Variants in RYR2 observed in about 807,000 individuals in gnomAD.
The protein encoded by RYR2 is cardiac muscle ryanodine receptor-calcium release channel.
A neutral mutation model predicts 601.1 loss-of-function variants in RYR2; 227 were observed. The ratio of observed to expected loss-of-function variants is 0.38; its 90% confidence interval spans 0.34 to 0.42. RYR2 has a LOEUF of 0.42. Among genes scored for constraint, RYR2 ranks in the 10% least tolerant of loss-of-function variants. RYR2 has a pLI of 1.00. For synonymous variants in RYR2, 2,223 were observed against 2,175.1 expected, an observed-to-expected ratio of 1.02 and a Z score of -0.61; for missense variants, 4,646 against 6,156.5, an observed-to-expected ratio of 0.75 and a Z score of 8.21.
chr1:237,823,959 C>A (rs191782153), intron 101 of RYR2, among the ~76,000 whole-genome samples: 1 of 152,258 alleles, frequency 6.6e-6, no homozygotes, highest in East Asian at 1.9e-4. Context: ...GACACATACA[C>A]CCTCCCAAGA....
At chr1:237,085,992 C>T (rs982916055) in intron 1 of RYR2, among the ~76,000 whole-genome samples, 1 of 152,172 alleles carries the variant, frequency 6.6e-6, no homozygotes, top group African/African-American at 2.4e-5. Flanking sequence ...TGAGCTCAAG[C>T]GACCTGACTG....
intron 29 of RYR2, among the ~76,000 whole-genome samples, chr1:237,584,942 T>C (rs1314067276): frequency 6.6e-6 from 1 of 151,964 alleles, no homozygotes; most frequent in Non-Finnish European, 1.5e-5. Context: ...GGTCTCGCCA[T>C]GTTGCCCAGG....
chr1:237,692,259 T>G (rs751751576), intron 63 of RYR2, among the ~76,000 whole-genome samples: 3 of 152,226 alleles, frequency 2.0e-5, no homozygotes, highest in Non-Finnish European at 4.4e-5. Flanking sequence ...GATGTGAGGA[T>G]AGGAAAATGA....
chr1:237,634,459 G>T (rs543841530), intron 43 of RYR2, among the ~76,000 whole-genome samples: 4 of 152,094 alleles, frequency 2.6e-5, no homozygotes, highest in Admixed American at 1.3e-4. Context: ...CCAGGTGTAG[G>T]GGGGAGTGGT....
chr1:237,345,467 TAAAA>T (rs1332928390), intron 3 of RYR2, among the ~76,000 whole-genome samples: 1 of 143,960 alleles, frequency 6.9e-6, no homozygotes, highest in African/African-American at 2.5e-5. Flanking sequence ...AAATAAAAAA[TAAAA>T]AATAAAAAAT....
chr1:237,074,390 C>T (rs1664750948), intron 1 of RYR2, among the ~76,000 whole-genome samples: 1 of 152,166 alleles, frequency 6.6e-6, no homozygotes, highest in Non-Finnish European at 1.5e-5. Context: ...AACCTACGTA[C>T]TAACTGTGAG....
chr1:237,620,952 A>G (rs988483334), intron 38 of RYR2, among the ~76,000 whole-genome samples: 2 of 152,112 alleles, frequency 1.3e-5, no homozygotes, highest in South Asian at 4.1e-4. Flanking sequence ...ACTCCACCCA[A>G]CGACAAGGTA....
Position 237,726,386 on chromosome 1 carries a change from A to G in RYR2, c.10725+78A>G, listed in dbSNP as rs1185626681. 3 of 880,240 alleles carry G rather than the reference A, an allele frequency of 3.4e-6. No individual in the cohort carries two copies. The Admixed American group carries it at 6.9e-5, about 20-fold the overall frequency. 54.5% of individuals were successfully genotyped at this position (880,240 alleles called of 1,614,324 possible). A position where few individuals can be genotyped will look rare whatever the true frequency, so the allele number is the denominator to read the frequency against. ...GTTGGGATTTTTTCTTTCTAATACA[A>G]TTAATCTCTTTCTTCTCTTAGAGTT... On this transcript the variant is annotated intron_variant, in intron 75 of 104. Coordinates refer to ENST00000366574, the MANE Select transcript of RYR2 (RefSeq NM_001035.3).
At chr1:237,593,714 T>C (rs1322392265) in intron 33 of RYR2, 78 bp downstream of exon 33, 1 of 1,441,142 alleles carries the variant, frequency 6.9e-7, no homozygotes, top group Non-Finnish European at 9.6e-7. Context: ...TTTCCTTGTA[T>C]TTTGTGACCA....
chr1:237,710,653 A>C lies in RYR2; in HGVS notation c.10230+1086A>C, dbSNP rs1304465221. Among the ~76,000 whole-genome samples, 29 of 149,112 alleles carry C rather than the reference A, an allele frequency of 1.9e-4. 1 individual carries two copies. The highest frequency in any genetic ancestry group is 1.9e-3 in the Admixed American group (28 of 14,966). On this transcript the variant is annotated intron_variant, in intron 70 of 104. Transcript: ENST00000366574. ...GCAATAGATCATCCAAGGTATTCTG[A>C]AGGAAAATTCAAAATCCACTGTAAA...
intron 2 of RYR2, among the ~76,000 whole-genome samples, chr1:237,278,995 A>C (rs548288271): frequency 7.2e-5 from 11 of 152,326 alleles, no homozygotes; most frequent in African/African-American, 2.6e-4. Context: ...AACAATTCAT[A>C]ATTGGTGTTC....
intron 1 of RYR2, among the ~76,000 whole-genome samples, chr1:237,195,329 C>T (rs960687824): frequency 6.6e-5 from 10 of 152,156 alleles, no homozygotes; most frequent in Admixed American, 1.3e-4. Context: ...TCTCGGTTCA[C>T]CACAACATCC....
chr1:237,159,848 A>G (rs953614818), intron 1 of RYR2, among the ~76,000 whole-genome samples: 18 of 152,308 alleles, frequency 1.2e-4, no homozygotes, highest in Non-Finnish European at 2.2e-4. Context: ...ATTAATCACC[A>G]TCTCCACAAA....
chr1:237,719,937 T>A (rs1689580466), intron 73 of RYR2, among the ~76,000 whole-genome samples: 1 of 152,186 alleles, frequency 6.6e-6, no homozygotes, highest in South Asian at 2.1e-4. Flanking sequence ...TATATCGAGA[T>A]TTGCAGCAAT....
intron 27 of RYR2, among the ~76,000 whole-genome samples, chr1:237,562,329 G>T (rs1176513536): frequency 6.6e-6 from 1 of 152,136 alleles, no homozygotes; most frequent in Non-Finnish European, 1.5e-5. Flanking sequence ...AGACCTAAAA[G>T]ATTCTAGATA....
At chr1:237,568,078 G>A (rs999078727) in intron 28 of RYR2, among the ~76,000 whole-genome samples, 2 of 152,126 alleles carry the variant, frequency 1.3e-5, no homozygotes, top group African/African-American at 4.8e-5. Context: ...ATGAACCAGA[G>A]TGGGAAGTAA....
At chr1:237,536,781 G>A (rs1309855268) in intron 25 of RYR2, among the ~76,000 whole-genome samples, 1 of 147,496 alleles carries the variant, frequency 6.8e-6, no homozygotes, top group Non-Finnish European at 1.5e-5. Context: ...AGCTACTAGG[G>A]AGGCTGAGGC....
At chr1:237,420,153 T>C (rs996370206) in intron 11 of RYR2, among the ~76,000 whole-genome samples, 2 of 152,186 alleles carry the variant, frequency 1.3e-5, no homozygotes, top group African/African-American at 4.8e-5. Flanking sequence ...GCCTTTTTAA[T>C]AAATGGTTTT....
At chr1:237,546,268 G>A (rs1212249309) in intron 25 of RYR2, among the ~76,000 whole-genome samples, 1 of 152,136 alleles carries the variant, frequency 6.6e-6, no homozygotes, top group African/African-American at 2.4e-5. Context: ...GAATGACATA[G>A]ATCAGTAATT....
Sources: allele counts gnomAD v4.1 joint callset (sites outside exome capture counted in the v4.1 genomes callset), GRCh38; gene constraint gnomAD v4.1.1; transcripts MANE v1.5; gene names NCBI Gene and HGNC (gene_info 2026-07-23, HGNC 2026-07-21).